TGFA: variants seen among roughly 807,000 people sequenced by gnomAD.
TGFA encodes transforming growth factor alpha.
Under a neutral mutation model 21.7 loss-of-function variants are expected in TGFA, and 12 were observed. The ratio of observed to expected loss-of-function variants is 0.55; its 90% confidence interval spans 0.35 to 0.90. The LOEUF (loss-of-function observed/expected upper bound fraction) is 0.90. Ranked by LOEUF, TGFA falls within the 40% of genes least tolerant of loss-of-function variation. The probability of loss-of-function intolerance (pLI) is 0.01; values close to 1 mark genes in which losing one functional copy is unlikely to be tolerated. For synonymous variants in TGFA, 79 were observed against 88.1 expected, an observed-to-expected ratio of 0.90 and a Z score of 0.58; for missense variants, 178 against 210.8, an observed-to-expected ratio of 0.84 and a Z score of 0.96.
chr2:70,551,257 A>T lies in TGFA; in HGVS notation c.40+2471T>A, dbSNP rs550944189. Reference sequence around the variant, plus strand: ...CCGTGAACACAGAGGAGGAAATGTAACTGGAAATGCCAAGCCCCCGTGCGG... The same window carrying T: ...CCGTGAACACAGAGGAGGAAATGTATCTGGAAATGCCAAGCCCCCGTGCGG... On this transcript the variant is annotated intron_variant, in intron 1 of 5. Coordinates refer to ENST00000295400, the MANE Select transcript of TGFA (RefSeq NM_003236.4). Among the ~76,000 whole-genome samples the T allele has an allele frequency of 4.6e-5, 7 of 152,344 alleles. No individual in the cohort carries two copies. In the East Asian group the frequency reaches 1.3e-3, roughly 29 times the overall value.
At chr2:70,521,609 G>GTTGTTTTTTTTTTTTTTTT (rs1432347684) in intron 1 of TGFA, among the ~76,000 whole-genome samples, 2 of 78,874 alleles carry the variant, frequency 2.5e-5, no homozygotes, top group Non-Finnish European at 4.8e-5. Flanking sequence ...TTTTGTTGTT[G>GTTGTTTTTTTTTTTTTTTT]TTTGTTTGTT....
chr2:70,490,279 TAAC>T (rs1574098160), intron 2 of TGFA, among the ~76,000 whole-genome samples: 2 of 152,152 alleles, frequency 1.3e-5, no homozygotes, highest in Admixed American at 6.5e-5. Flanking sequence ...CTTGAGAAAA[TAAC>T]AACGAATTGC....
intron 1 of TGFA, chr2:70,553,186 C>A: frequency 6.5e-7 from 1 of 1,536,168 alleles, no homozygotes; most frequent in Non-Finnish European, 8.7e-7. Context: ...AAACCTACCC[C>A]CAAAGCTCAA....
At chr2:70,472,824 A>T (rs1553493515) in intron 2 of TGFA, among the ~76,000 whole-genome samples, 2 of 152,240 alleles carry the variant, frequency 1.3e-5, no homozygotes. Flanking sequence ...CATCATTTAC[A>T]GCCATTTCAT....
chr2:70,521,892 C>T (rs533875347), intron 1 of TGFA, among the ~76,000 whole-genome samples: 5 of 152,162 alleles, frequency 3.3e-5, no homozygotes, highest in East Asian at 1.9e-4. Flanking sequence ...GGATTACAGG[C>T]GCAGGCCACC....
intron 1 of TGFA, among the ~76,000 whole-genome samples, chr2:70,521,243 G>A (rs1672449520): frequency 6.6e-6 from 1 of 152,126 alleles, no homozygotes; most frequent in East Asian, 1.9e-4. Context: ...TAGAGATTTA[G>A]CATGCATAAC....
chr2:70,464,357 A>G (rs952953783), intron 3 of TGFA, among the ~76,000 whole-genome samples: 1 of 152,220 alleles, frequency 6.6e-6, no homozygotes, highest in Non-Finnish European at 1.5e-5. Context: ...CAAAACCTTA[A>G]TAGGTGCCAG....
chr2:70,472,080 A>C (rs1346284209), intron 2 of TGFA, among the ~76,000 whole-genome samples: 1 of 152,126 alleles, frequency 6.6e-6, no homozygotes, highest in Admixed American at 6.5e-5. Flanking sequence ...AATTCAAGAA[A>C]ATAGCGAGTG....
intron 2 of TGFA, among the ~76,000 whole-genome samples, chr2:70,484,323 C>T (rs1187359838): frequency 2.0e-5 from 3 of 152,216 alleles, no homozygotes; most frequent in Non-Finnish European, 1.5e-5. Context: ...TGCCAAACCA[C>T]ATTCTATCCT....
intron 1 of TGFA, among the ~76,000 whole-genome samples, chr2:70,549,887 T>G (rs1673433788): frequency 6.6e-6 from 1 of 152,298 alleles, no homozygotes; most frequent in African/African-American, 2.4e-5. Context: ...AAAGCAAATA[T>G]GGAAAACTCA....
At chr2:70,548,482 C>T (rs527973876) in intron 1 of TGFA, among the ~76,000 whole-genome samples, 1 of 152,272 alleles carries the variant, frequency 6.6e-6, no homozygotes, top group African/African-American at 2.4e-5. Context: ...AAAGGGGTTC[C>T]GTCTTGAGGA....
chr2:70,473,744 C>A lies in TGFA; in HGVS notation c.95-8008G>T, dbSNP rs114425265. On this transcript the variant is annotated intron_variant, in intron 2 of 5. Transcript: ENST00000295400. ...ATTATGCAACTCATTCATTATTAAA[C>A]CCAAGATCACTATCTTTTAAACGAT... Among the ~76,000 whole-genome samples, 732 of 152,122 alleles carry A rather than the reference C, an allele frequency of 4.8e-3. 1 individual carries two copies. The highest frequency in any genetic ancestry group is 7.6e-3 in the Non-Finnish European group (520 of 68,012).
rs546818006 is a variant in TGFA, at chr2:70,494,081, T to A, written c.94+20778A>T. On this transcript the variant is annotated intron_variant, in intron 2 of 5. Transcript: ENST00000295400. The stretch of plus-strand genomic sequence containing the variant: ...TCCCTCTGGAGATTGTAGGGGAGAA[T>A]CTGTTTCATCTTTTCCACCTTCTAG... Among the ~76,000 whole-genome samples, 21 of 152,222 alleles carry A rather than the reference T, an allele frequency of 1.4e-4. No homozygotes were observed. The South Asian group carries it at 3.9e-3, about 29-fold the overall frequency.
At chr2:70,508,518 A>T (rs1254207587) in intron 2 of TGFA, among the ~76,000 whole-genome samples, 1 of 152,134 alleles carries the variant, frequency 6.6e-6, no homozygotes, top group Non-Finnish European at 1.5e-5. Flanking sequence ...TATGGCACTT[A>T]CTCTGCAAGT....
At chr2:70,515,196 G>GT (rs1672234499) in intron 1 of TGFA, among the ~76,000 whole-genome samples, 1 of 152,134 alleles carries the variant, frequency 6.6e-6, no homozygotes, top group Non-Finnish European at 1.5e-5. Context: ...TTTGGCCTTT[G>GT]TTTTTTCTTA....
chr2:70,460,275 G>A (rs771728497), intron 3 of TGFA, among the ~76,000 whole-genome samples: 11 of 152,114 alleles, frequency 7.2e-5, no homozygotes, highest in Non-Finnish European at 1.2e-4. Context: ...GCTGATTCCA[G>A]TGGGCAGGGG....
intron 3 of TGFA, among the ~76,000 whole-genome samples, chr2:70,458,064 G>A (rs1670292823): frequency 6.6e-6 from 1 of 152,140 alleles, no homozygotes; most frequent in African/African-American, 2.4e-5. Flanking sequence ...TAAGAACACT[G>A]ACTTTCAACG....
At chr2:70,464,357 A>AT (rs1408878851) in intron 3 of TGFA, among the ~76,000 whole-genome samples, 1 of 152,220 alleles carries the variant, frequency 6.6e-6, no homozygotes, top group Non-Finnish European at 1.5e-5. Flanking sequence ...CAAAACCTTA[A>AT]TAGGTGCCAG....
chr2:70,517,951 G>T, intron 1 of TGFA, among the ~76,000 whole-genome samples: 1 of 152,252 alleles, frequency 6.6e-6, no homozygotes, highest in East Asian at 1.9e-4. Flanking sequence ...CAGCCCTCTG[G>T]CCACACGACT....
Sources: gnomAD v4.1 joint callset for allele counts (sites outside exome capture counted in the v4.1 genomes callset) on GRCh38, gnomAD v4.1.1 for gene constraint, MANE v1.5 for transcripts, NCBI Gene and HGNC (gene_info 2026-07-23, HGNC 2026-07-21) for gene names.